Variants in CES4A observed in about 807,000 individuals in gnomAD.
CES4A encodes carboxylesterase 4A, also known as carboxylesterase 6.
CES4A carries 48 observed loss-of-function variants against 65.4 expected under a neutral mutation model. The observed-to-expected ratio is 0.73, with a 90% CI of 0.58 to 0.93. The LOEUF (loss-of-function observed/expected upper bound fraction) is 0.93, where lower values mean the gene tolerates loss of function less well. Ranked by LOEUF, CES4A falls within the 40% of genes least tolerant of loss-of-function variation. CES4A has a pLI of 0.00. For synonymous variants in CES4A, 247 were observed against 281.8 expected (o/e 0.88, Z 1.24); for missense variants, 685 against 728.5 (o/e 0.94, Z 0.69).
chr16:67,010,417 CTA>C (rs1567595250), downstream of CES4A, among the ~76,000 whole-genome samples: 1 of 141,654 alleles, frequency 7.1e-6, no homozygotes, highest in Admixed American at 7.0e-5. Flanking sequence ...ACCATTTTAA[CTA>C]TTTTTGTTTT....
chr16:66,998,325 C>G (rs1400313072), intron 2 of CES4A, among the ~76,000 whole-genome samples: 1 of 152,102 alleles, frequency 6.6e-6, no homozygotes, highest in African/African-American at 2.4e-5. Flanking sequence ...CGAGGTGGCT[C>G]TCACCTGTAA....
Position 67,001,587 on chromosome 16 carries a change from C to T in CES4A, c.690+126C>T. 1 of 1,150,122 alleles carries T rather than the reference C, an allele frequency of 8.7e-7. No homozygotes were observed. The highest frequency in any genetic ancestry group is 1.6e-5 in the South Asian group (1 of 62,432). The allele number at this position is 1,150,122 out of a possible 1,614,324, so 71.2% of individuals were successfully genotyped here. A position where few individuals can be genotyped will look rare whatever the true frequency, so the allele number is the denominator to read the frequency against. On this transcript the variant is annotated intron_variant, in intron 5 of 13. Transcript: ENST00000648724. This position sits in a 1 kb window ranked among gnomAD's most constrained non-coding sequence, Gnocchi z 4.1. ...GGAACGTGCCTGCCACAGAAATGCT[C>T]TCGCCCCTGCCAAGGGTACAGCCCC... is the stretch of plus-strand genomic sequence containing the variant.
chr16:66,996,277 C>G, intron 2 of CES4A: 1 of 330,270 alleles, frequency 3.0e-6, no homozygotes, highest in South Asian at 2.4e-5. Context: ...CCTCGTGATC[C>G]ACATGCCTCG....
intron 2 of CES4A, 44 bp downstream of exon 2, chr16:66,995,873 A>G: frequency 6.4e-7 from 1 of 1,552,288 alleles, no homozygotes; most frequent in Admixed American, 1.7e-5. Flanking sequence ...CAATGGGCCT[A>G]TGCCTGCATC....
chr16:66,988,980 A>C, intron 1 of CES4A, 150 bp downstream of exon 1: 1 of 943,102 alleles, frequency 1.1e-6, no homozygotes, highest in Non-Finnish European at 1.5e-6. Context: ...CAGGACACTA[A>C]ACCATCTACC....
intron 2 of CES4A, among the ~76,000 whole-genome samples, chr16:66,998,750 G>A (rs1446313986): frequency 6.6e-6 from 1 of 152,056 alleles, no homozygotes. Flanking sequence ...GCCTCAGGAG[G>A]CTGAGGCAGT....
rs1272014896 is a variant in CES4A at position 67,003,829 on chromosome 16, A to T, written c.940-255A>T. Among the ~76,000 whole-genome samples the T allele has an allele frequency of 3.9e-5, 6 of 152,178 alleles. No individual in the cohort carries two copies. Among genetic ancestry groups the T allele is most frequent in the African/African-American group, 1.4e-4 (6 of 41,432 alleles). On this transcript the variant is annotated intron_variant, in intron 8 of 13. Transcript: ENST00000648724. The surrounding 1 kb of genome is among the most constrained non-coding windows in gnomAD (Gnocchi z 4.2). ...GGCTAGAACAGGACTCAGTGAAGTG[A>T]AATTTAGCAAAGATTTTCAAGAGGT...
At chr16:67,009,194 C>T in exon 14 of CES4A, 6 of 1,538,902 alleles carry the variant, frequency 3.9e-6, no homozygotes, top group Non-Finnish European at 4.4e-6. Context: ...ACCATCCAGG[C>T]CCTGGGGAGA....
intron 11 of CES4A, 49 bp downstream of exon 11, chr16:67,005,442 G>C: frequency 6.3e-7 from 1 of 1,586,276 alleles, no homozygotes; most frequent in Non-Finnish European, 8.6e-7. Context: ...CCACTCTCCA[G>C]GTGTGCTGTT....
At position 66,999,511 on chromosome 16, in the gene CES4A, C is replaced by T. The variant is rs543790274; in HGVS notation, c.261-1127C>T. Among the ~76,000 whole-genome samples, 8 of 152,268 alleles carry T rather than the reference C, an allele frequency of 5.3e-5. No homozygotes were observed. The South Asian group carries it at 8.3e-4, about 16-fold the overall frequency. On this transcript the variant is annotated intron_variant, in intron 2 of 13. Coordinates refer to ENST00000648724, the Ensembl canonical transcript of CES4A. ...ACTCCAACCAGGACATGGTCAACAG[C>T]GGACAGGAGGCCAGGCATGGTGGCT...
chr16:67,002,729 T>C (rs535780934), intron 5 of CES4A, among the ~76,000 whole-genome samples: 5 of 152,160 alleles, frequency 3.3e-5, no homozygotes, highest in Middle Eastern at 3.4e-3. Flanking sequence ...GGCTAACAGC[T>C]GTCAGCACAG....
At position 67,001,158 on chromosome 16, in the gene CES4A, G is replaced by C; in HGVS notation, c.537-150G>C. On this transcript the variant is annotated intron_variant, in intron 4 of 13. Coordinates refer to ENST00000648724, the Ensembl canonical transcript of CES4A. The surrounding 1 kb of genome is among the most constrained non-coding windows in gnomAD (Gnocchi z 4.1). ...GCGGGCGCTCCATACCATCTGGATG[G>C]GGCGAGCTAACTCCAAGGAAGGGGG... The C allele has an allele frequency of 7.3e-7, 1 of 1,368,440 alleles. No homozygotes were observed. The highest frequency in any genetic ancestry group is 9.7e-7 in the Non-Finnish European group (1 of 1,026,920). 84.8% of individuals were successfully genotyped at this position (1,368,440 alleles called of 1,614,324 possible).
rs1965969619 is a variant in CES4A, at chr16:67,008,755, G to A, written c.1518-219G>A. 6 of 515,286 alleles carry A rather than the reference G, an allele frequency of 1.2e-5. No individual in the cohort carries two copies. The South Asian group carries it at 1.5e-4, about 13-fold the overall frequency. 31.9% of individuals were successfully genotyped at this position (515,286 alleles called of 1,614,324 possible). The stretch of plus-strand genomic sequence containing the variant: ...GACTTGTGCTTCCTCCAAAAGCCTT[G>A]GTCTTTTATATCTCTCAACCTGGCA... On this transcript the variant is annotated intron_variant, in intron 13 of 13. Transcript: ENST00000648724.
At chr16:66,988,648 C>T in exon 1 of CES4A, 1 of 1,508,694 alleles carries the variant, frequency 6.6e-7, no homozygotes, top group Non-Finnish European at 8.9e-7. Context: ...CCAGTACTTG[C>T]TGGCAGGGAT....
At position 67,003,295 on chromosome 16, in the gene CES4A, C is replaced by G. The variant is rs755157203; in HGVS notation, c.835C>G (p.Gln279Glu). Reference sequence around the variant, plus strand: ...GGCTGGATGCAACCACAACAGCACACAGATCCTGGTAAACTGCCTGAGGGC... The same window carrying G: ...GGCTGGATGCAACCACAACAGCACAGAGATCCTGGTAAACTGCCTGAGGGC... The change falls in exon 7 of 14, where the codon CAG (glutamine) becomes GAG (glutamate). Residue 279 changes from glutamine to glutamate, a missense_variant. Coordinates refer to ENST00000648724, the Ensembl canonical transcript of CES4A. This position sits in a 1 kb window ranked among gnomAD's most constrained non-coding sequence, Gnocchi z 4.2. 6.2e-7 allele frequency: 1 copy of G among 1,614,222 alleles called. No individual in the cohort carries two copies. Among genetic ancestry groups the G allele is most frequent in the South Asian group, 1.1e-5 (1 of 91,090 alleles).
intron 1 of CES4A, among the ~76,000 whole-genome samples, chr16:66,989,535 A>T (rs1964206257): frequency 6.6e-6 from 1 of 152,024 alleles, no homozygotes; most frequent in Non-Finnish European, 1.5e-5. Flanking sequence ...CTGGGTAAAT[A>T]GACTCTGTCT....
intron 1 of CES4A, 76 bp downstream of exon 1, chr16:66,988,906 C>A: frequency 6.7e-7 from 1 of 1,487,994 alleles, no homozygotes; most frequent in Non-Finnish European, 9.0e-7. Context: ...CCAGTTCAAC[C>A]TCTCCTGGGG....
exon 14 of CES4A, chr16:67,009,581 T>C (rs939462996): frequency 1.9e-5 from 3 of 161,928 alleles, no homozygotes; most frequent in South Asian, 3.5e-4. Context: ...TGTGCCTGTC[T>C]GTTCACATTG....
exon 12 of CES4A, chr16:67,006,491 C>T: frequency 6.5e-7 from 1 of 1,536,866 alleles, no homozygotes; most frequent in Non-Finnish European, 8.7e-7. Context: ...ATGAGATGTA[C>T]TTCCTCTTTG....
Sources: allele counts gnomAD v4.1 joint callset (sites outside exome capture counted in the v4.1 genomes callset), GRCh38; gene constraint gnomAD v4.1.1; non-coding constraint Gnocchi (gnomAD v3.1); transcripts MANE v1.5; gene names NCBI Gene and HGNC (gene_info 2026-07-23, HGNC 2026-07-21).